The following ADAMTS6 variants were observed in gnomAD, a reference collection of about 807,000 sequenced individuals.
ADAMTS6 encodes the protein ADAM metallopeptidase with thrombospondin type 1 motif 6.
A neutral mutation model predicts 144.3 loss-of-function variants in ADAMTS6; 23 were observed. That is an observed-to-expected ratio of 0.16 (90% CI 0.11 to 0.23). The LOEUF (loss-of-function observed/expected upper bound fraction) is 0.23, where lower values mean the gene tolerates loss of function less well. Among genes scored for constraint, ADAMTS6 ranks in the 10% least tolerant of loss-of-function variants. The pLI, the probability that ADAMTS6 is intolerant of heterozygous loss-of-function variation, is 1.00. For synonymous variants in ADAMTS6, 444 were observed against 457.5 expected (o/e 0.97, Z 0.38); for missense variants, 999 against 1,379.6 (o/e 0.72, Z 4.37).
intron 21 of ADAMTS6, 69 bp downstream of exon 21, chr5:65,196,953 A>G: frequency 1.3e-6 from 2 of 1,532,124 alleles, no homozygotes; most frequent in African/African-American, 1.4e-5. Flanking sequence ...TATATTTCCA[A>G]ACATGAATAC....
Position 65,409,227 on chromosome 5 carries a change from G to T in ADAMTS6, c.1073+42248C>A, listed in dbSNP as rs143158154. 7.2e-3 allele frequency among the ~76,000 whole-genome samples: 1,091 copies of T among 152,128 alleles called. 13 individuals carry two copies. Among genetic ancestry groups the T allele is most frequent in the African/African-American group, 0.025 (1,024 of 41,488 alleles). ...AATTCAGGAGCTGGTTTTTTTAAAA[G>T]ATCAACAAAACTGATAGACCGCTAG... On this transcript the variant is annotated intron_variant, in intron 7 of 24. Transcript: ENST00000381055.
rs911112570 is a variant in ADAMTS6 at position 65,423,986 on chromosome 5, A to G, written c.1073+27489T>C. On this transcript the variant is annotated intron_variant, in intron 7 of 24. Coordinates refer to ENST00000381055, the MANE Select transcript of ADAMTS6 (RefSeq NM_197941.4). The stretch of plus-strand genomic sequence containing the variant: ...TTTCTTTCTTAAATATCACGATTAA[A>G]AAAAACATTGGCAGCATTTATAAGA... Among the ~76,000 whole-genome samples, 4 of 152,158 alleles carry G rather than the reference A, an allele frequency of 2.6e-5. No individual in the cohort carries two copies. The East Asian group carries it at 7.7e-4, about 29-fold the overall frequency.
At chr5:65,216,673 T>G (rs1561289266) in intron 18 of ADAMTS6, among the ~76,000 whole-genome samples, 1 of 151,876 alleles carries the variant, frequency 6.6e-6, no homozygotes, top group Non-Finnish European at 1.5e-5. Context: ...ATAAAAGAAC[T>G]TTTTTTCTCA....
intron 7 of ADAMTS6, among the ~76,000 whole-genome samples, chr5:65,388,150 G>C (rs1000392735): frequency 3.3e-5 from 5 of 152,164 alleles, no homozygotes; most frequent in African/African-American, 1.2e-4. Context: ...GCAGAGTTGC[G>C]GTGAGCCAAG....
chr5:65,275,419 A>AAAG (rs1561364612), intron 11 of ADAMTS6, among the ~76,000 whole-genome samples: 12 of 142,460 alleles, frequency 8.4e-5, no homozygotes, highest in African/African-American at 2.4e-4. Flanking sequence ...AAGAAAGAAA[A>AAAG]GAAAGAAAGA....
chr5:65,213,428 G>A (rs1756673966), intron 20 of ADAMTS6, among the ~76,000 whole-genome samples: 1 of 152,032 alleles, frequency 6.6e-6, no homozygotes, highest in Non-Finnish European at 1.5e-5. Context: ...GAATGCTTGA[G>A]GCCAGGAGTT....
intron 14 of ADAMTS6, among the ~76,000 whole-genome samples, chr5:65,248,403 C>A (rs1398317636): frequency 6.6e-6 from 1 of 152,082 alleles, no homozygotes; most frequent in Non-Finnish European, 1.5e-5. Flanking sequence ...ATCTTCTATG[C>A]AGGTTTTAAA....
At chr5:65,195,649 G>A (rs1755297206) in intron 21 of ADAMTS6, among the ~76,000 whole-genome samples, 2 of 152,188 alleles carry the variant, frequency 1.3e-5, no homozygotes, top group African/African-American at 4.8e-5. Flanking sequence ...GATTATTTAT[G>A]TATTTTAACT....
intron 7 of ADAMTS6, among the ~76,000 whole-genome samples, chr5:65,403,924 T>A (rs1317955198): frequency 6.6e-6 from 1 of 152,052 alleles, no homozygotes; most frequent in East Asian, 1.9e-4. Context: ...TATATTTCAG[T>A]GCATAGAATG....
rs1450863553 is a variant in ADAMTS6 at position 65,260,605 on chromosome 5, T to A, written c.1825A>T (p.Thr609Ser). 6.2e-7 allele frequency: 1 copy of A among 1,613,394 alleles called. No homozygotes were observed. Among genetic ancestry groups the A allele is most frequent in the Admixed American group, 1.7e-5 (1 of 59,982 alleles). The change falls in exon 14 of 25, where the codon ACA (threonine) becomes TCA (serine). Residue 609 changes from threonine (T) to serine (S), a missense_variant. Thr to Ser is a moderately conservative substitution (Grantham distance 58). This residue lies in a region of ADAMTS6 where 619 missense variants were observed against 837.0 expected (regional missense o/e 0.74). Transcript: ENST00000381055. ...GERKRYRSCN[T>S]DPCPLGSRDF... ...CAGAGTTTGGTTTTACTTACATCTG[T>A]GTTACAGGAGCGATACCGTTTCCTT...
At chr5:65,347,612 A>C (rs1748459783) in intron 7 of ADAMTS6, among the ~76,000 whole-genome samples, 1 of 152,128 alleles carries the variant, frequency 6.6e-6, no homozygotes, top group African/African-American at 2.4e-5. Flanking sequence ...TCTGGATATG[A>C]CTTCAAAAGC....
rs565185915 is a variant in ADAMTS6, at chr5:65,239,248, C to G, written c.1933+2856G>C. Among the ~76,000 whole-genome samples the G allele has an allele frequency of 6.0e-4, 83 of 138,034 alleles. 2 individuals are homozygous for G. The Middle Eastern group carries it at 0.014, about 24-fold the overall frequency. The allele number at this position is 138,034 out of a possible 152,430, so 90.6% of individuals were successfully genotyped here. On this transcript the variant is annotated intron_variant, in intron 15 of 24. Transcript: ENST00000381055. ...AACCTGTACATTGTGCACATGCACC[C>G]TAGAACTTAATGTATAAAAAAAAAA... is the stretch of plus-strand genomic sequence containing the variant.
chr5:65,257,932 T>C (rs1024557096), intron 14 of ADAMTS6, among the ~76,000 whole-genome samples: 3 of 152,198 alleles, frequency 2.0e-5, no homozygotes, highest in Non-Finnish European at 1.5e-5. Context: ...AGGGCAGAGA[T>C]TGTCTTTCTC....
intron 13 of ADAMTS6, among the ~76,000 whole-genome samples, chr5:65,261,507 CGTTA>C (rs1761193136): frequency 6.6e-6 from 1 of 152,042 alleles, no homozygotes; most frequent in South Asian, 2.1e-4. Context: ...GTTGAACTTA[CGTTA>C]GTTATTCTGT....
intron 7 of ADAMTS6, among the ~76,000 whole-genome samples, chr5:65,339,865 A>T (rs887523822): frequency 2.0e-5 from 3 of 152,072 alleles, no homozygotes; most frequent in Non-Finnish European, 4.4e-5. Context: ...GGATTTATGG[A>T]ACACTAATAA....
At chr5:65,435,522 G>T (rs1258812083) in intron 7 of ADAMTS6, among the ~76,000 whole-genome samples, 1 of 151,878 alleles carries the variant, frequency 6.6e-6, no homozygotes, top group African/African-American at 2.4e-5. Context: ...CCTGATAACT[G>T]CATTATTGTT....
At chr5:65,335,482 C>T (rs973883722) in intron 7 of ADAMTS6, among the ~76,000 whole-genome samples, 5 of 152,118 alleles carry the variant, frequency 3.3e-5, no homozygotes, top group African/African-American at 1.2e-4. Context: ...TAGCCACAAC[C>T]TTTTCTAGCA....
chr5:65,265,135 T>C (rs1761511954), intron 12 of ADAMTS6, among the ~76,000 whole-genome samples: 1 of 152,098 alleles, frequency 6.6e-6, no homozygotes, highest in Non-Finnish European at 1.5e-5. Flanking sequence ...TTTCCTTGGC[T>C]GTAGGGAAGA....
chr5:65,233,575 T>C (rs558997218), intron 15 of ADAMTS6, among the ~76,000 whole-genome samples: 1 of 152,160 alleles, frequency 6.6e-6, no homozygotes, highest in East Asian at 1.9e-4. Flanking sequence ...GAAAACAATC[T>C]TATTTACAAT....
Sources: gnomAD v4.1 joint callset for allele counts (sites outside exome capture counted in the v4.1 genomes callset) on GRCh38, gnomAD v4.1.1 for gene constraint, gnomAD v4.1.1 regional missense constraint, MANE v1.5 for transcripts, NCBI Gene and HGNC (gene_info 2026-07-23, HGNC 2026-07-21) for gene names.